The following FBXO34 variants were observed in gnomAD, a reference collection of about 807,000 sequenced individuals.
The protein encoded by FBXO34 is F-box protein 34.
FBXO34 carries 12 observed loss-of-function variants against 24.5 expected under a neutral mutation model. That is an observed-to-expected ratio of 0.49 (90% CI 0.31 to 0.79). FBXO34 has a LOEUF of 0.79. FBXO34 is among the 30% of genes least tolerant of loss of function. FBXO34 has a pLI of 0.04. For missense variants in FBXO34, 823 were observed against 857.7 expected, an observed-to-expected ratio of 0.96 and a Z score of 0.51; for synonymous variants, 320 against 311.9, an observed-to-expected ratio of 1.03 and a Z score of -0.27.
intron 1 of FBXO34, among the ~76,000 whole-genome samples, chr14:55,297,773 A>G (rs1882191784): frequency 6.6e-6 from 1 of 152,198 alleles, no homozygotes; most frequent in Non-Finnish European, 1.5e-5. Flanking sequence ...CTCACTAAAG[A>G]TTATTTGGTA....
the FBXO34 span, among the ~76,000 whole-genome samples, chr14:55,405,894 G>T: frequency 2.0e-5 from 3 of 151,980 alleles, no homozygotes; most frequent in Non-Finnish European, 4.4e-5. Context: ...GGTGGCGGGG[G>T]GGGCAGGGGA....
intron 1 of FBXO34, among the ~76,000 whole-genome samples, chr14:55,331,883 TACACCACCATGGTGTATATATAAAA>T (rs1883593509): frequency 1.0e-5 from 1 of 96,972 alleles, no homozygotes; most frequent in African/African-American, 4.4e-5. Context: ...AATATATATA[TACACCACCATGGTGTATATATAAAA>T]ATATATATAT....
At chr14:55,334,563 G>A (rs913886774) in intron 1 of FBXO34, among the ~76,000 whole-genome samples, 1 of 151,998 alleles carries the variant, frequency 6.6e-6, no homozygotes, top group East Asian at 1.9e-4. Context: ...ATGTGATCTG[G>A]GCAACGAGGA....
At chr14:55,396,662 G>A in the FBXO34 span, among the ~76,000 whole-genome samples, 5 of 152,174 alleles carry the variant, frequency 3.3e-5, no homozygotes, top group South Asian at 2.1e-4. Context: ...TGGGCAGGGC[G>A]TGCTCAGAGA....
chr14:55,369,859 A>G, downstream of FBXO34: 3 of 1,614,142 alleles, frequency 1.9e-6, no homozygotes, highest in Non-Finnish European at 2.5e-6. Flanking sequence ...CTGATTCTCC[A>G]GCAACTCCGG....
intron 1 of FBXO34, among the ~76,000 whole-genome samples, chr14:55,346,463 G>T (rs945758242): frequency 6.6e-6 from 1 of 152,222 alleles, no homozygotes; most frequent in East Asian, 1.9e-4. Flanking sequence ...TTAACTAGTA[G>T]TGTTGATTTT....
chr14:55,430,824 T>C, the FBXO34 span, among the ~76,000 whole-genome samples: 1 of 152,216 alleles, frequency 6.6e-6, no homozygotes, highest in Non-Finnish European at 1.5e-5. Flanking sequence ...AGCAGTAAAA[T>C]AAACTGTTTC....
the FBXO34 span, chr14:55,438,849 A>T: frequency 6.6e-6 from 1 of 151,462 alleles, no homozygotes; most frequent in African/African-American, 2.4e-5. Flanking sequence ...AATGCTAGGG[A>T]AAGTCACCAT....
intron 1 of FBXO34, among the ~76,000 whole-genome samples, chr14:55,342,030 A>G (rs555717807): frequency 5.3e-4 from 78 of 146,574 alleles, no homozygotes; most frequent in South Asian, 4.5e-3. Context: ...CTGTCAAACT[A>G]TTAGGTGTTG....
chr14:55,271,643 C>CCGGGGCG (rs1243096979), intron 1 of FBXO34, 106 bp downstream of exon 1: 2 of 148,456 alleles, frequency 1.3e-5, no homozygotes, highest in Non-Finnish European at 3.0e-5. Context: ...GCCTGCGCTC[C>CCGGGGCG]CGGGGCGCGG....
chr14:55,293,043 C>T (rs892987091), intron 1 of FBXO34, among the ~76,000 whole-genome samples: 7 of 152,046 alleles, frequency 4.6e-5, no homozygotes, highest in Admixed American at 1.3e-4. Flanking sequence ...CCACCACACC[C>T]GGCTAATTTT....
the FBXO34 span, among the ~76,000 whole-genome samples, chr14:55,379,287 G>A: frequency 6.6e-6 from 1 of 152,114 alleles, no homozygotes; most frequent in Non-Finnish European, 1.5e-5. Context: ...TGTAATCCCA[G>A]CACTGTGGGA....
downstream of FBXO34, among the ~76,000 whole-genome samples, chr14:55,356,886 C>T (rs1428497697): frequency 6.6e-6 from 1 of 152,140 alleles, no homozygotes; most frequent in Non-Finnish European, 1.5e-5. Flanking sequence ...GTAGCTGCAA[C>T]TACAGCTGCA....
At chr14:55,382,003 T>C in the FBXO34 span, 11 of 1,614,106 alleles carry the variant, frequency 6.8e-6, no homozygotes, top group Non-Finnish European at 9.3e-6. Flanking sequence ...CCAGCTGTAG[T>C]AGGCAGAGTA....
chr14:55,315,179 A>G (rs1268307832), intron 1 of FBXO34, among the ~76,000 whole-genome samples: 1 of 152,170 alleles, frequency 6.6e-6, no homozygotes, highest in African/African-American at 2.4e-5. Flanking sequence ...AGTAATTGTG[A>G]CTACTTTTAC....
At chr14:55,346,733 G>T (rs988820967) in intron 1 of FBXO34, among the ~76,000 whole-genome samples, 1 of 152,134 alleles carries the variant, frequency 6.6e-6, no homozygotes, top group Non-Finnish European at 1.5e-5. Context: ...CAATAAAAAG[G>T]CCATTTGACC....
In FBXO34 at chr14:55,340,843, A is replaced by AGCTC; in HGVS notation, c.-10-9538_-10-9537insGCTC. On this transcript the variant is annotated intron_variant, in intron 1 of 1. Transcript: ENST00000313833. ...TTCAAGGCTAGCCTTGGAATCTTGA[A>AGCTC]TATTATCCCTTAAGAGAGAGCCTTT... 1.3e-5 allele frequency among the ~76,000 whole-genome samples: 2 copies of AGCTC among 152,214 alleles called. 1 individual carries two copies. Among genetic ancestry groups the AGCTC allele is most frequent in the South Asian group, 4.1e-4 (2 of 4,830 alleles).
chr14:55,323,225 A>ATTT (rs1194283087), intron 1 of FBXO34, among the ~76,000 whole-genome samples: 10 of 19,188 alleles, frequency 5.2e-4, no homozygotes, highest in African/African-American at 3.0e-3. Flanking sequence ...AAAAATATAT[A>ATTT]TTTTTTTTTT....
chr14:55,422,544 C>A, the FBXO34 span, among the ~76,000 whole-genome samples: 1 of 152,106 alleles, frequency 6.6e-6, no homozygotes, highest in East Asian at 1.9e-4. Flanking sequence ...CCACCGCGCC[C>A]GGTCATAAAA....
Sources: gnomAD v4.1 joint callset for allele counts (sites outside exome capture counted in the v4.1 genomes callset) on GRCh38, gnomAD v4.1.1 for gene constraint, MANE v1.5 for transcripts, NCBI Gene and HGNC (gene_info 2026-07-23, HGNC 2026-07-21) for gene names.